The following ENTREP2 variants were observed in gnomAD, a reference collection of about 807,000 sequenced individuals.
ENTREP2 encodes the protein endosomal transmembrane epsin interactor 2.
the ENTREP2 span, among the ~76,000 whole-genome samples, chr15:29,242,797 G>A: frequency 3.3e-5 from 5 of 152,350 alleles, no homozygotes; most frequent in Admixed American, 2.0e-4. Context: ...CAGAGCTGGG[G>A]AGCCCCTTGG....
chr15:29,395,586 G>T, the ENTREP2 span, among the ~76,000 whole-genome samples: 1 of 149,698 alleles, frequency 6.7e-6, no homozygotes, highest in Admixed American at 6.7e-5. Flanking sequence ...GGAGTGCAGT[G>T]ACGTGATCAC....
chr15:29,479,125 T>A, the ENTREP2 span, among the ~76,000 whole-genome samples: 1 of 145,424 alleles, frequency 6.9e-6, no homozygotes, highest in East Asian at 2.0e-4. Context: ...GAGAATGGCG[T>A]GAACCCGGGA....
At chr15:29,400,892 C>T in the ENTREP2 span, among the ~76,000 whole-genome samples, 2 of 152,166 alleles carry the variant, frequency 1.3e-5, no homozygotes, top group African/African-American at 2.4e-5. Context: ...CGTCCCCATC[C>T]CAGAATAAAC....
the ENTREP2 span, among the ~76,000 whole-genome samples, chr15:29,417,638 TATA>T: frequency 1.3e-5 from 2 of 151,696 alleles, no homozygotes; most frequent in Non-Finnish European, 2.9e-5. Flanking sequence ...AAACTTAAAG[TATA>T]ATAATAATAA....
At chr15:29,119,274 G>A in the ENTREP2 span, among the ~76,000 whole-genome samples, 1 of 53,482 alleles carries the variant, frequency 1.9e-5, no homozygotes, top group African/African-American at 3.7e-5. Context: ...ATATGCTTAA[G>A]AATGATGAGT....
chr15:29,348,807 C>T, the ENTREP2 span, among the ~76,000 whole-genome samples: 273 of 152,314 alleles, frequency 1.8e-3, no homozygotes, highest in African/African-American at 6.1e-3. Flanking sequence ...CACACAGTTC[C>T]ATTTCAGCAC....
chr15:29,593,409 C>T, the ENTREP2 span, among the ~76,000 whole-genome samples: 1 of 152,114 alleles, frequency 6.6e-6, no homozygotes, highest in Non-Finnish European at 1.5e-5. Context: ...TCAACATCCC[C>T]GTGACAACTC....
chr15:29,641,276 T>C, the ENTREP2 span, among the ~76,000 whole-genome samples: 1 of 152,146 alleles, frequency 6.6e-6, no homozygotes, highest in East Asian at 1.9e-4. Context: ...TCTTGCCACC[T>C]CTACTCAATA....
the ENTREP2 span, among the ~76,000 whole-genome samples, chr15:29,425,302 T>C: frequency 6.6e-6 from 1 of 151,970 alleles, no homozygotes; most frequent in African/African-American, 2.4e-5. Flanking sequence ...CCTCCCAAAG[T>C]GCTGGGATTA....
chr15:29,365,100 ACTTAT>A, the ENTREP2 span, among the ~76,000 whole-genome samples: 2 of 152,112 alleles, frequency 1.3e-5, no homozygotes, highest in African/African-American at 2.4e-5. Context: ...TGTGACAACC[ACTTAT>A]CTTATTACTG....
chr15:29,270,894 C>T, the ENTREP2 span, among the ~76,000 whole-genome samples: 1 of 152,214 alleles, frequency 6.6e-6, no homozygotes, highest in African/African-American at 2.4e-5. Flanking sequence ...AGTGGATAAA[C>T]TCTTCAAAGA....
At chr15:29,273,238 G>A in the ENTREP2 span, among the ~76,000 whole-genome samples, 8 of 142,622 alleles carry the variant, frequency 5.6e-5, no homozygotes, top group African/African-American at 1.1e-4. Flanking sequence ...GCGCTCTGTC[G>A]CCCAGGCTGG....
At chr15:29,281,932 G>A in the ENTREP2 span, among the ~76,000 whole-genome samples, 2 of 152,200 alleles carry the variant, frequency 1.3e-5, no homozygotes, top group African/African-American at 4.8e-5. Context: ...GAGACTACAG[G>A]TTGGTAGTCT....
chr15:29,255,932 C>T, the ENTREP2 span, among the ~76,000 whole-genome samples: 106,378 of 149,166 alleles, frequency 0.71, 39,033 homozygotes, highest in South Asian at 0.82. Context: ...ACCCGGGAGG[C>T]GGAGCTTGCA....
At chr15:29,330,648 C>A in the ENTREP2 span, among the ~76,000 whole-genome samples, 24 of 152,134 alleles carry the variant, frequency 1.6e-4, no homozygotes, top group Non-Finnish European at 2.9e-4. Context: ...CCTAAGGCAA[C>A]ATGGCGACGA....
the ENTREP2 span, among the ~76,000 whole-genome samples, chr15:29,479,667 A>G: frequency 7.8e-6 from 1 of 127,968 alleles, no homozygotes; most frequent in South Asian, 2.6e-4. Flanking sequence ...ACACACACAT[A>G]CACACACACA....
chr15:29,420,170 TG>T, the ENTREP2 span, among the ~76,000 whole-genome samples: 1 of 152,104 alleles, frequency 6.6e-6, no homozygotes, highest in South Asian at 2.1e-4. Flanking sequence ...CCTCTGGAAG[TG>T]GGGCTAATTT....
At chr15:29,661,614 G>A in the ENTREP2 span, among the ~76,000 whole-genome samples, 1 of 152,166 alleles carries the variant, frequency 6.6e-6, no homozygotes, top group South Asian at 2.1e-4. Context: ...AAAGAGGTAT[G>A]TAACATTAGG....
the ENTREP2 span, among the ~76,000 whole-genome samples, chr15:29,636,670 T>C: frequency 3.3e-5 from 5 of 152,308 alleles, no homozygotes; most frequent in Admixed American, 1.3e-4. Context: ...GACACCAACA[T>C]AATTTTTTCT....
Sources: allele counts gnomAD v4.1 joint callset (sites outside exome capture counted in the v4.1 genomes callset), GRCh38; gene constraint gnomAD v4.1.1; transcripts MANE v1.5; gene names NCBI Gene and HGNC (gene_info 2026-07-23, HGNC 2026-07-21).